The following COL5A2 variants were observed in gnomAD, a reference collection of about 807,000 sequenced individuals.
COL5A2 encodes the protein collagen type V alpha 2 chain.
COL5A2 carries 23 observed loss-of-function variants against 208.2 expected under a neutral mutation model. That is an observed-to-expected ratio of 0.11 (90% confidence interval 0.08 to 0.16). COL5A2 has a LOEUF of 0.16. Ranked by LOEUF, COL5A2 falls within the 10% of genes least tolerant of loss-of-function variation. The pLI is 1.00. For synonymous variants in COL5A2, 625 were observed against 628.5 expected, an observed-to-expected ratio of 0.99 and a Z score of 0.08; for missense variants, 1,590 against 1,956.4, an observed-to-expected ratio of 0.81 and a Z score of 3.53.
At position 189,063,184 on chromosome 2, in the gene COL5A2, G is replaced by T; in HGVS notation, c.1857C>A (p.Pro619=). ...GQPGSMGLPG[P]KGSSGDPGKP... ...ACACTGTACTCACACTGCTACCTTT[G>T]GGGCCTGGAAGGCCCATGCTCCCGG... is the stretch of plus-strand genomic sequence containing the variant. The change falls in exon 27 of 54, where the codon CCC becomes CCA. Residue 619 remains proline (P), a synonymous_variant. Transcript: ENST00000374866. 6.2e-7 allele frequency: 1 copy of T among 1,613,898 alleles called. No homozygotes were observed. Among genetic ancestry groups the T allele is most frequent in the Non-Finnish European group, 8.5e-7 (1 of 1,179,786 alleles).
intron 1 of COL5A2, among the ~76,000 whole-genome samples, chr2:189,191,167 C>CCAAA (rs1364875796): frequency 2.5e-3 from 308 of 124,764 alleles, no homozygotes; most frequent in Non-Finnish European, 4.0e-3. Context: ...AACAAACAAA[C>CCAAA]AACAAAAAAC....
chr2:189,330,314 C>G, the COL5A2 span, among the ~76,000 whole-genome samples: 1 of 152,116 alleles, frequency 6.6e-6, no homozygotes, highest in South Asian at 2.1e-4. Flanking sequence ...ACACCAAAGG[C>G]TAAACACAGG....
chr2:189,096,994 T>G (rs933474916), intron 6 of COL5A2, among the ~76,000 whole-genome samples: 1 of 152,218 alleles, frequency 6.6e-6, no homozygotes, highest in Non-Finnish European at 1.5e-5. Flanking sequence ...TTGGATGTTT[T>G]ATCTCAACAG....
At position 189,170,747 on chromosome 2, in the gene COL5A2, T is replaced by TA. The variant is rs1306919541; in HGVS notation, c.97+8760dup. 2.6e-3 allele frequency among the ~76,000 whole-genome samples: 377 copies of TA among 147,244 alleles called. 2 individuals carry two copies. The highest frequency in any genetic ancestry group is 7.5e-3 in the African/African-American group (301 of 40,216). Reference sequence around the variant, plus strand: ...GCTGGATACTCTTGGCACTCTTAGGTAAAAAAAAAAGTCACACAGAAGTAA... The same window carrying TA: ...GCTGGATACTCTTGGCACTCTTAGGTAAAAAAAAAAAGTCACACAGAAGTAA... On this transcript the variant is annotated intron_variant, in intron 1 of 53. Transcript: ENST00000374866.
intron 18 of COL5A2, among the ~76,000 whole-genome samples, chr2:189,070,144 T>C (rs1686239376): frequency 6.6e-6 from 1 of 152,162 alleles, no homozygotes; most frequent in African/African-American, 2.4e-5. Flanking sequence ...TCCCATGCAA[T>C]ATTTGAGGCA....
At chr2:189,078,923 C>T (rs1576512534) in intron 15 of COL5A2, 140 bp downstream of exon 15, 4 of 731,662 alleles carry the variant, frequency 5.5e-6, no homozygotes, top group Non-Finnish European at 9.5e-6. Flanking sequence ...TGTCTATCAG[C>T]TGGTAATCAA....
intron 45 of COL5A2, among the ~76,000 whole-genome samples, chr2:189,046,788 A>C (rs1685677013): frequency 6.6e-6 from 1 of 152,044 alleles, no homozygotes; most frequent in African/African-American, 2.4e-5. Flanking sequence ...TACATTGAAT[A>C]AGCTGAATTG....
the COL5A2 span, among the ~76,000 whole-genome samples, chr2:189,436,673 A>G: frequency 1.3e-5 from 2 of 152,182 alleles, no homozygotes; most frequent in East Asian, 3.8e-4. Context: ...TGCAGCCACA[A>G]AAAGGAACAA....
the COL5A2 span, among the ~76,000 whole-genome samples, chr2:189,293,960 C>A: frequency 6.6e-6 from 1 of 151,992 alleles, no homozygotes; most frequent in Non-Finnish European, 1.5e-5. Context: ...TGGTGGCGGG[C>A]GCCTGTAGTC....
At chr2:189,123,410 T>G (rs1687547530) in intron 1 of COL5A2, among the ~76,000 whole-genome samples, 1 of 152,194 alleles carries the variant, frequency 6.6e-6, no homozygotes, top group Non-Finnish European at 1.5e-5. Flanking sequence ...TATTTGTAAA[T>G]AAGGTCATTG....
chr2:189,234,881 T>G, the COL5A2 span, among the ~76,000 whole-genome samples: 1 of 151,712 alleles, frequency 6.6e-6, no homozygotes, highest in Non-Finnish European at 1.5e-5. Flanking sequence ...TAGTTTTAAT[T>G]TTTCTAGCAG....
the COL5A2 span, among the ~76,000 whole-genome samples, chr2:189,395,019 C>T: frequency 6.6e-6 from 1 of 152,146 alleles, no homozygotes; most frequent in African/African-American, 2.4e-5. Context: ...ATTTTTAAAG[C>T]TTCCACAAAC....
At chr2:189,266,154 G>A in the COL5A2 span, among the ~76,000 whole-genome samples, 1 of 152,162 alleles carries the variant, frequency 6.6e-6, no homozygotes, top group Non-Finnish European at 1.5e-5. Context: ...TAGGCTGGGT[G>A]TGGTGGCTGA....
At chr2:189,416,647 C>T in the COL5A2 span, among the ~76,000 whole-genome samples, 1 of 152,032 alleles carries the variant, frequency 6.6e-6, no homozygotes, top group African/African-American at 2.4e-5. Context: ...ACCAACATGG[C>T]GTATGTATAC....
chr2:189,237,263 T>C, the COL5A2 span, among the ~76,000 whole-genome samples: 1 of 151,794 alleles, frequency 6.6e-6, no homozygotes, highest in Non-Finnish European at 1.5e-5. Flanking sequence ...CTTTATTTGT[T>C]AGTATTTTTT....
the COL5A2 span, among the ~76,000 whole-genome samples, chr2:189,231,075 A>T: frequency 6.6e-6 from 1 of 152,070 alleles, no homozygotes; most frequent in East Asian, 1.9e-4. Context: ...AGCCAGTCAG[A>T]GAGGAAAAAT....
chr2:189,436,090 C>G, the COL5A2 span, among the ~76,000 whole-genome samples: 1 of 152,134 alleles, frequency 6.6e-6, no homozygotes, highest in Non-Finnish European at 1.5e-5. Flanking sequence ...AAAAACCAAA[C>G]ACCGCATGTT....
the COL5A2 span, among the ~76,000 whole-genome samples, chr2:189,421,424 T>C: frequency 6.6e-6 from 1 of 152,144 alleles, no homozygotes; most frequent in Non-Finnish European, 1.5e-5. Flanking sequence ...AGCATAATAA[T>C]AATAAGAAAA....
the COL5A2 span, among the ~76,000 whole-genome samples, chr2:189,243,843 G>A: frequency 6.6e-6 from 1 of 152,152 alleles, no homozygotes; most frequent in African/African-American, 2.4e-5. Flanking sequence ...GGAGGCACAG[G>A]CATTGGATAA....
Sources: allele counts gnomAD v4.1 joint callset (sites outside exome capture counted in the v4.1 genomes callset), GRCh38; gene constraint gnomAD v4.1.1; transcripts MANE v1.5; gene names NCBI Gene and HGNC (gene_info 2026-07-23, HGNC 2026-07-21).